Variants in C1orf21 observed in about 807,000 individuals in gnomAD.
C1orf21 encodes the protein uncharacterized protein C1orf21.
A neutral mutation model predicts 18.7 loss-of-function variants in C1orf21; 3 were observed. The ratio of observed to expected loss-of-function variants is 0.16; its 90% confidence interval spans 0.07 to 0.42. The LOEUF (loss-of-function observed/expected upper bound fraction) is 0.42. C1orf21 is among the 10% of genes least tolerant of loss of function. The pLI, the probability that C1orf21 is intolerant of heterozygous loss-of-function variation, is 0.99. For synonymous variants in C1orf21, 41 were observed against 46.4 expected (o/e 0.88, Z 0.47); for missense variants, 104 against 143.6 (o/e 0.72, Z 1.41).
At chr1:184,597,409 C>T (rs886769675) in intron 4 of C1orf21, among the ~76,000 whole-genome samples, 1 of 152,138 alleles carries the variant, frequency 6.6e-6, no homozygotes, top group Non-Finnish European at 1.5e-5. Context: ...GTCACTTGTG[C>T]CCCTCCTTGT....
intron 3 of C1orf21, among the ~76,000 whole-genome samples, chr1:184,545,537 C>T (rs1032258370): frequency 1.1e-4 from 17 of 151,962 alleles, no homozygotes; most frequent in Admixed American, 9.8e-4. Flanking sequence ...TACCGATGCT[C>T]GTGTTCCCTG....
intron 2 of C1orf21, among the ~76,000 whole-genome samples, chr1:184,505,341 A>ATG (rs1658043174): frequency 8.8e-6 from 1 of 113,848 alleles, no homozygotes; most frequent in Admixed American, 8.9e-5. Flanking sequence ...ATATATATAT[A>ATG]CACACATGCC....
At chr1:184,424,567 T>A (rs749185268) in intron 1 of C1orf21, among the ~76,000 whole-genome samples, 5 of 152,188 alleles carry the variant, frequency 3.3e-5, no homozygotes, top group Non-Finnish European at 5.9e-5. Context: ...CTAACCTTGG[T>A]AGAGAGCTGT....
chr1:184,449,198 C>A (rs1475461757), intron 1 of C1orf21, among the ~76,000 whole-genome samples: 12 of 151,400 alleles, frequency 7.9e-5, no homozygotes, highest in Middle Eastern at 3.2e-3. Context: ...ATCCCTCCCC[C>A]TTCCCCCCAC....
In C1orf21 at chr1:184,506,171, CA is replaced by C. The variant is rs558126902; in HGVS notation, c.95-1410del. On this transcript the variant is annotated intron_variant, in intron 2 of 5. Transcript: ENST00000235307. ...CACACTAGTCTTTCTAATATCTTTA[CA>C]AAAAAATAGAATCAATAATAACTCT... Among the ~76,000 whole-genome samples the C allele has an allele frequency of 7.5e-4, 114 of 151,928 alleles. 1 individual carries two copies. Among genetic ancestry groups the C allele is most frequent in the South Asian group, 5.6e-3 (27 of 4,804 alleles).
At chr1:184,516,044 C>G (rs1658220429) in intron 3 of C1orf21, among the ~76,000 whole-genome samples, 1 of 152,170 alleles carries the variant, frequency 6.6e-6, no homozygotes, top group South Asian at 2.1e-4. Flanking sequence ...AACTCCTGGC[C>G]TCAAGTGATC....
At chr1:184,546,426 C>A (rs2101979659) in intron 3 of C1orf21, among the ~76,000 whole-genome samples, 1 of 152,334 alleles carries the variant, frequency 6.6e-6, no homozygotes, top group African/African-American at 2.4e-5. Flanking sequence ...AGGAGCAAGA[C>A]TCCATCTCAA....
At chr1:184,550,277 T>C (rs1571410581) in intron 3 of C1orf21, among the ~76,000 whole-genome samples, 1 of 152,252 alleles carries the variant, frequency 6.6e-6, no homozygotes, top group African/African-American at 2.4e-5. Flanking sequence ...TATTGTCTAT[T>C]TTTGAAAACC....
chr1:184,399,356 ATTTTTTTTTTT>A (rs59376994), intron 1 of C1orf21, among the ~76,000 whole-genome samples: 275 of 79,106 alleles, frequency 3.5e-3, no homozygotes, highest in Non-Finnish European at 3.6e-3. Context: ...ATGTACTTCT[ATTTTTTTTTTT>A]TTTTTTTTTT....
intron 1 of C1orf21, among the ~76,000 whole-genome samples, chr1:184,432,491 G>C (rs1252277604): frequency 6.6e-6 from 1 of 152,126 alleles, no homozygotes; most frequent in African/African-American, 2.4e-5. Context: ...GACACAGAGA[G>C]GGGAATATCA....
At chr1:184,591,020 T>C (rs1054868207) in intron 4 of C1orf21, among the ~76,000 whole-genome samples, 14 of 152,174 alleles carry the variant, frequency 9.2e-5, no homozygotes, top group African/African-American at 3.4e-4. Context: ...CTTCATTAGG[T>C]ATTATAAGTA....
At chr1:184,593,254 TCC>T (rs1337671994) in intron 4 of C1orf21, among the ~76,000 whole-genome samples, 1 of 150,432 alleles carries the variant, frequency 6.6e-6, no homozygotes, top group Non-Finnish European at 1.5e-5. Flanking sequence ...AATTCTGTTT[TCC>T]CCACAGCAGC....
chr1:184,410,608 CCATATATATTATATATA>C (rs1656317557), intron 1 of C1orf21, among the ~76,000 whole-genome samples: 2 of 53,976 alleles, frequency 3.7e-5, no homozygotes, highest in Non-Finnish European at 5.7e-5. Flanking sequence ...GATTAATTTG[CCATATATATTATATATA>C]TATATATATA....
intron 1 of C1orf21, among the ~76,000 whole-genome samples, chr1:184,445,452 A>G (rs1657015914): frequency 6.6e-6 from 1 of 150,626 alleles, no homozygotes; most frequent in African/African-American, 2.5e-5. Flanking sequence ...ACCCCATAAA[A>G]AAAGGAAAAA....
intron 5 of C1orf21, among the ~76,000 whole-genome samples, chr1:184,606,870 C>G (rs1243705811): frequency 2.0e-5 from 3 of 152,106 alleles, no homozygotes; most frequent in Non-Finnish European, 4.4e-5. Flanking sequence ...TCCAATTTAC[C>G]CTCAACTTTT....
intron 5 of C1orf21, among the ~76,000 whole-genome samples, chr1:184,600,392 C>T (rs1162720322): frequency 6.6e-6 from 1 of 152,138 alleles, no homozygotes; most frequent in Non-Finnish European, 1.5e-5. Flanking sequence ...GTCTCGAACT[C>T]CTGACATCAG....
rs1655910073 is a variant in C1orf21, at chr1:184,387,737, G to A, written c.-125+369G>A. On this transcript the variant is annotated intron_variant, in intron 1 of 5. Coordinates refer to ENST00000235307, the MANE Select transcript of C1orf21 (RefSeq NM_030806.4). This position sits in a 1 kb window ranked among gnomAD's most constrained non-coding sequence, Gnocchi z 5.6. ...TCCCACCCGCACCCTGCCGCCCTCAGCCTTCCTGCTCTCCTCTAGCTTTGC... is the reference window on the plus strand; with the variant it reads ...TCCCACCCGCACCCTGCCGCCCTCAACCTTCCTGCTCTCCTCTAGCTTTGC... Among the ~76,000 whole-genome samples, 4 of 152,220 alleles carry A rather than the reference G, an allele frequency of 2.6e-5. No homozygotes were observed. The South Asian group carries it at 8.3e-4, about 32-fold the overall frequency.
intron 2 of C1orf21, among the ~76,000 whole-genome samples, chr1:184,504,477 T>C (rs944343742): frequency 6.6e-6 from 1 of 152,238 alleles, no homozygotes; most frequent in Admixed American, 6.5e-5. Context: ...TGGTAGTGAT[T>C]GTTTTACTGT....
intron 1 of C1orf21, among the ~76,000 whole-genome samples, chr1:184,417,044 G>C (rs1403354036): frequency 6.6e-6 from 1 of 152,150 alleles, no homozygotes; most frequent in Non-Finnish European, 1.5e-5. Context: ...ATTCCTTCAA[G>C]GAAGGAATGA....
Sources: gnomAD v4.1 joint callset for allele counts (sites outside exome capture counted in the v4.1 genomes callset) on GRCh38, gnomAD v4.1.1 for gene constraint, Gnocchi (gnomAD v3.1) non-coding constraint, MANE v1.5 for transcripts, NCBI Gene and HGNC (gene_info 2026-07-23, HGNC 2026-07-21) for gene names.